The following AP3S2 variants were observed in gnomAD, a reference collection of about 807,000 sequenced individuals.
The protein encoded by AP3S2 is adaptor related protein complex 3 subunit sigma 2.
In AP3S2, 22 loss-of-function variants were observed where a neutral mutation model predicts 23.4. The observed-to-expected ratio is 0.94, with a 90% CI of 0.67 to 1.34. AP3S2 has a LOEUF of 1.34. Among genes scored for constraint, AP3S2 ranks in the 40% most tolerant of loss-of-function variants. The pLI is 0.00. For synonymous variants in AP3S2, 86 were observed against 87.1 expected (o/e 0.99, Z 0.07); for missense variants, 241 against 236.9 (o/e 1.02, Z -0.11).
intron 4 of AP3S2, among the ~76,000 whole-genome samples, chr15:89,847,493 A>AGGAAC (rs1895525923): frequency 6.6e-6 from 1 of 152,038 alleles, no homozygotes; most frequent in Non-Finnish European, 1.5e-5. Context: ...GATGTGCCTC[A>AGGAAC]GGAACCTAGC....
Position 89,837,871 on chromosome 15 carries a change from CACA to C in AP3S2, c.346-152_346-150del, listed in dbSNP as rs3050612. On this transcript the variant is annotated intron_variant, in intron 4 of 5. Transcript: ENST00000336418. ...ACACTCAAACCCCCCTGCCCAGTGA[CACA>C]ACGAGGGGTCTCTCCCAGGTCTTGG... 1,154 of 827,066 alleles carry C rather than the reference CACA, an allele frequency of 1.4e-3. 10 individuals carry two copies. The African/African-American group carries it at 0.018, about 13-fold the overall frequency. The allele number at this position is 827,066 out of a possible 1,614,324, so 51.2% of individuals were successfully genotyped here.
chr15:89,864,699 G>A (rs1193411838), intron 4 of AP3S2, among the ~76,000 whole-genome samples: 4 of 151,690 alleles, frequency 2.6e-5, no homozygotes, highest in Non-Finnish European at 4.4e-5. Flanking sequence ...ACACCACCAC[G>A]CCCAGCTAAT....
At chr15:89,890,435 T>C (rs1463389363) in intron 1 of AP3S2, among the ~76,000 whole-genome samples, 1 of 152,214 alleles carries the variant, frequency 6.6e-6, no homozygotes, top group African/African-American at 2.4e-5. Flanking sequence ...TAATTATACA[T>C]ATGAGTTTCA....
At chr15:89,886,988 G>A (rs910912152) in intron 3 of AP3S2, among the ~76,000 whole-genome samples, 2 of 152,084 alleles carry the variant, frequency 1.3e-5, no homozygotes, top group African/African-American at 4.8e-5. Context: ...TAGAGACATG[G>A]TTTTACCATG....
intron 1 of AP3S2, among the ~76,000 whole-genome samples, chr15:89,892,090 C>G (rs1324810136): frequency 6.6e-6 from 1 of 152,160 alleles, no homozygotes; most frequent in Non-Finnish European, 1.5e-5. Flanking sequence ...ATGGATGAAT[C>G]TTGAAAACAT....
chr15:89,836,676 T>G (rs1197472928), intron 5 of AP3S2, among the ~76,000 whole-genome samples: 1 of 152,168 alleles, frequency 6.6e-6, no homozygotes, highest in Admixed American at 6.5e-5. Context: ...TTGCCTTCTT[T>G]CCGGATACCA....
chr15:89,888,157 G>A (rs900799079), intron 3 of AP3S2, among the ~76,000 whole-genome samples: 6 of 152,176 alleles, frequency 3.9e-5, no homozygotes, highest in African/African-American at 1.4e-4. Flanking sequence ...AGCTCATCTA[G>A]AATCTCACAT....
chr15:89,863,651 C>T lies in AP3S2; in HGVS notation c.345+7824G>A, dbSNP rs537294929. ...TTAGGAATAAACAACTTGGCAGAGC[C>T]AAGGAATTCAGTCATAGCTGGTCTT... On this transcript the variant is annotated intron_variant, in intron 4 of 5. Coordinates refer to ENST00000336418, the MANE Select transcript of AP3S2 (RefSeq NM_005829.5). Among the ~76,000 whole-genome samples, 9 of 152,176 alleles carry T rather than the reference C, an allele frequency of 5.9e-5. 1 individual carries two copies. Among genetic ancestry groups the T allele is most frequent in the Admixed American group, 2.6e-4 (4 of 15,284 alleles).
intron 4 of AP3S2, among the ~76,000 whole-genome samples, chr15:89,866,155 C>T (rs781523808): frequency 2.7e-5 from 4 of 149,126 alleles, no homozygotes; most frequent in East Asian, 2.0e-4. Flanking sequence ...CCAGCTACTC[C>T]GGAGGCTGAG....
chr15:89,832,295 T>C lies in AP3S2; in HGVS notation c.*3220A>G, dbSNP rs1453770560. On this transcript the variant is annotated 3_prime_UTR_variant, in exon 6 of 6. Transcript: ENST00000336418. ...CCTTATTCTACTAAAAAAATAAAAC[T>C]AGCCAGGAGTGGTGGTTGCGTGCCT... is the stretch of plus-strand genomic sequence containing the variant. The C allele has an allele frequency of 6.6e-6, 1 of 151,696 alleles. No homozygotes were observed. Among genetic ancestry groups the C allele is most frequent in the Non-Finnish European group, 1.5e-5 (1 of 67,952 alleles). The allele number at this position is 151,696 out of a possible 1,614,324, so 9.4% of individuals were successfully genotyped here. A position where few individuals can be genotyped will look rare whatever the true frequency, so the allele number is the denominator to read the frequency against.
intron 1 of AP3S2, among the ~76,000 whole-genome samples, chr15:89,890,294 C>T (rs1198230022): frequency 6.6e-6 from 1 of 152,186 alleles, no homozygotes; most frequent in African/African-American, 2.4e-5. Flanking sequence ...AAGTGATCCA[C>T]CTGCTTTGGC....
intron 3 of AP3S2, among the ~76,000 whole-genome samples, chr15:89,873,277 GTCTGTCT>G (rs1276437615): frequency 4.1e-5 from 6 of 146,768 alleles, no homozygotes; most frequent in Admixed American, 1.4e-4. Context: ...TTGGACCTCT[GTCTGTCT>G]TCTTTTTTTT....
chr15:89,871,974 C>T (rs544326965), intron 3 of AP3S2, among the ~76,000 whole-genome samples: 3 of 151,826 alleles, frequency 2.0e-5, no homozygotes, highest in East Asian at 1.9e-4. Context: ...CTGGGTGTGG[C>T]GACACGAGCC....
At chr15:89,880,073 T>C (rs892075497) in intron 3 of AP3S2, among the ~76,000 whole-genome samples, 8 of 151,070 alleles carry the variant, frequency 5.3e-5, no homozygotes, top group Non-Finnish European at 1.0e-4. Context: ...TTAGGATATA[T>C]AAAATATGAT....
intron 4 of AP3S2, among the ~76,000 whole-genome samples, chr15:89,838,488 G>T (rs1408304516): frequency 1.3e-5 from 2 of 152,224 alleles, no homozygotes; most frequent in East Asian, 3.8e-4. Flanking sequence ...TGGGACGGAG[G>T]TGACTCAACT....
intron 1 of AP3S2, chr15:89,893,062 T>C (rs1896855941): frequency 6.6e-6 from 1 of 152,222 alleles, no homozygotes; most frequent in South Asian, 2.1e-4. Flanking sequence ...TCATTTCTAA[T>C]TGACAAAAGA....
At chr15:89,888,790 G>A in intron 2 of AP3S2, 158 bp from the exon 3 acceptor site, 2 of 898,014 alleles carry the variant, frequency 2.2e-6, no homozygotes, top group Non-Finnish European at 1.7e-6. Context: ...AAGTTTGGCA[G>A]AGGTACCTAA....
chr15:89,836,402 G>A (rs1895192170), intron 5 of AP3S2, among the ~76,000 whole-genome samples: 1 of 152,164 alleles, frequency 6.6e-6, no homozygotes, highest in Non-Finnish European at 1.5e-5. Context: ...AAAGTCACCG[G>A]GAAGTTCTTA....
At chr15:89,866,748 G>A (rs550345826) in intron 4 of AP3S2, among the ~76,000 whole-genome samples, 8 of 152,014 alleles carry the variant, frequency 5.3e-5, no homozygotes, top group African/African-American at 1.7e-4. Flanking sequence ...GATTATAGGC[G>A]TTAGCCACCG....
Sources: allele counts gnomAD v4.1 joint callset (sites outside exome capture counted in the v4.1 genomes callset), GRCh38; gene constraint gnomAD v4.1.1; transcripts MANE v1.5; gene names NCBI Gene and HGNC (gene_info 2026-07-23, HGNC 2026-07-21).